SLC25A31: variants seen among roughly 807,000 people sequenced by gnomAD.
SLC25A31 encodes solute carrier family 25 member 31.
In SLC25A31, 40 loss-of-function variants were observed where a neutral mutation model predicts 36.2. The ratio of observed to expected loss-of-function variants is 1.10; its 90% CI spans 0.86 to 1.44. The LOEUF (loss-of-function observed/expected upper bound fraction) is 1.44. Among genes scored for constraint, SLC25A31 ranks in the 40% most tolerant of loss-of-function variants. The pLI is 0.00. For synonymous variants in SLC25A31, 143 were observed against 149.7 expected, an observed-to-expected ratio of 0.96 and a Z score of 0.32; for missense variants, 350 against 397.1, an observed-to-expected ratio of 0.88 and a Z score of 1.01.
chr4:127,748,576 C>T (rs185249351), intron 2 of SLC25A31, among the ~76,000 whole-genome samples: 39 of 152,308 alleles, frequency 2.6e-4, no homozygotes, highest in African/African-American at 9.1e-4. Context: ...CTGGCACCAA[C>T]TCACAGACCA....
intron 5 of SLC25A31, among the ~76,000 whole-genome samples, chr4:127,773,036 G>A (rs1732394440): frequency 6.6e-6 from 1 of 151,984 alleles, no homozygotes; most frequent in Non-Finnish European, 1.5e-5. Context: ...TCCTGTCTCG[G>A]CCTCCCAAAG....
intron 2 of SLC25A31, among the ~76,000 whole-genome samples, chr4:127,745,449 C>T (rs1731807991): frequency 1.3e-5 from 2 of 151,988 alleles, no homozygotes; most frequent in Non-Finnish European, 2.9e-5. Flanking sequence ...ACATTACTCC[C>T]AAGATCTTCC....
chr4:127,743,335 A>T (rs188613705), intron 1 of SLC25A31, among the ~76,000 whole-genome samples: 22 of 152,034 alleles, frequency 1.4e-4, no homozygotes, highest in Admixed American at 1.4e-3. Context: ...GCGGTCTCAC[A>T]ATGTTGCCCA....
At chr4:127,759,669 G>T (rs1205094799) in intron 2 of SLC25A31, among the ~76,000 whole-genome samples, 1 of 152,192 alleles carries the variant, frequency 6.6e-6, no homozygotes, top group East Asian at 1.9e-4. Flanking sequence ...TGAGAGGGGA[G>T]ATGGGGAGTT....
chr4:127,748,793 C>A (rs1176506580), intron 2 of SLC25A31, among the ~76,000 whole-genome samples: 1 of 152,092 alleles, frequency 6.6e-6, no homozygotes, highest in Non-Finnish European at 1.5e-5. Context: ...TTGCCAAAAC[C>A]AGTTTTCTAA....
At chr4:127,753,206 C>T (rs1731969205) in intron 2 of SLC25A31, among the ~76,000 whole-genome samples, 1 of 151,920 alleles carries the variant, frequency 6.6e-6, no homozygotes, top group Non-Finnish European at 1.5e-5. Flanking sequence ...ATAGCAAAAG[C>T]AGTTCTAAGA....
chr4:127,766,558 C>T (rs1393760005), intron 3 of SLC25A31, among the ~76,000 whole-genome samples: 1 of 152,044 alleles, frequency 6.6e-6, no homozygotes, highest in African/African-American at 2.4e-5. Context: ...AGTACGGTGG[C>T]ACAATCATAG....
rs537690725 is a variant in SLC25A31, at chr4:127,750,417, G to A, written c.360+5618G>A. 5.3e-5 allele frequency among the ~76,000 whole-genome samples: 8 copies of A among 152,244 alleles called. 1 individual carries two copies. The South Asian group carries it at 1.7e-3, about 32-fold the overall frequency. On this transcript the variant is annotated intron_variant, in intron 2 of 5. Transcript: ENST00000281154. The stretch of plus-strand genomic sequence containing the variant: ...CCAAATACTCCTTGACTCATGATGG[G>A]ATTATTTCCTTATAAACTCATGGTA...
At chr4:127,769,629 C>T (rs1255758252) in intron 5 of SLC25A31, among the ~76,000 whole-genome samples, 1 of 152,158 alleles carries the variant, frequency 6.6e-6, no homozygotes, top group Non-Finnish European at 1.5e-5. Flanking sequence ...ATGCTAAGCT[C>T]TGGTGACAGA....
intron 2 of SLC25A31, 130 bp from the exon 3 acceptor site, chr4:127,764,113 T>C: frequency 8.4e-6 from 6 of 714,074 alleles, no homozygotes; most frequent in Non-Finnish European, 1.4e-5. Context: ...TGCATTATTA[T>C]AGATGTTTAC....
chr4:127,733,809 GAT>G (rs1731574314), intron 1 of SLC25A31, among the ~76,000 whole-genome samples: 1 of 152,168 alleles, frequency 6.6e-6, no homozygotes, highest in Non-Finnish European at 1.5e-5. Flanking sequence ...TGGAGAAAGA[GAT>G]ATGAACACAG....
Position 127,764,155 on chromosome 4 carries a change from T to C in SLC25A31, c.361-88T>C, listed in dbSNP as rs572372781. ...AAAGTGGCTTATAAATCTGGTGTTT[T>C]AACATTTATAAAAATAAGAATTTAC... is the stretch of plus-strand genomic sequence containing the variant. On this transcript the variant is annotated intron_variant, in intron 2 of 5. Transcript: ENST00000281154. 128 of 1,139,506 alleles carry C rather than the reference T, an allele frequency of 1.1e-4. No homozygotes were observed. In the East Asian group the frequency reaches 2.2e-3, roughly 20 times the overall value. 70.6% of individuals were successfully genotyped at this position (1,139,506 alleles called of 1,614,324 possible).
intron 2 of SLC25A31, 117 bp from the exon 3 acceptor site, chr4:127,764,126 T>C: frequency 1.2e-6 from 1 of 806,796 alleles, no homozygotes; most frequent in Non-Finnish European, 2.0e-6. Context: ...ATGTTTACTT[T>C]ATAAAAGTGG....
chr4:127,765,291 T>C (rs1162074409), intron 3 of SLC25A31, among the ~76,000 whole-genome samples: 12 of 152,328 alleles, frequency 7.9e-5, no homozygotes, highest in African/African-American at 2.6e-4. Flanking sequence ...GTTATTGTGA[T>C]CAAATGGCTT....
At chr4:127,752,313 G>A (rs200126112) in intron 2 of SLC25A31, among the ~76,000 whole-genome samples, 4,533 of 151,778 alleles carry the variant, frequency 0.03, 277 homozygotes, top group East Asian at 0.26. Context: ...GCAAACTATT[G>A]CAAGGACAAA....
At chr4:127,738,799 A>G (rs1731681003) in intron 1 of SLC25A31, among the ~76,000 whole-genome samples, 1 of 152,082 alleles carries the variant, frequency 6.6e-6, no homozygotes, top group Admixed American at 6.6e-5. Context: ...AATGTTGGGT[A>G]TGTATATATT....
intron 2 of SLC25A31, among the ~76,000 whole-genome samples, chr4:127,750,090 T>A (rs1731900354): frequency 6.6e-6 from 1 of 152,176 alleles, no homozygotes; most frequent in Non-Finnish European, 1.5e-5. Context: ...GGCTAAATTG[T>A]CTGTCAGAAA....
chr4:127,765,574 T>A (rs1371926247), intron 3 of SLC25A31, among the ~76,000 whole-genome samples: 2 of 152,162 alleles, frequency 1.3e-5, no homozygotes, highest in Admixed American at 1.3e-4. Flanking sequence ...TGTGTGAGTG[T>A]GTATATGCGT....
Position 127,768,786 on chromosome 4 carries a change from T to C in SLC25A31, c.668T>C (p.Leu223Pro), listed in dbSNP as rs1329287994. 1.2e-6 allele frequency: 2 copies of C among 1,608,284 alleles called. No homozygotes were observed. The highest frequency in any genetic ancestry group is 2.7e-5 in the African/African-American group (2 of 74,778). The change falls in exon 5 of 6, where the codon CTT becomes CCT. Residue 223 changes from leucine (L) to proline (P), a missense_variant. Transcript: ENST00000281154. ...LLPKPKKTPFLVSFFIAQVVT... is the reference protein window; with the variant it reads ...LLPKPKKTPFPVSFFIAQVVT... ...CCAAAGCCAAAGAAAACTCCATTTCTTGTCTCCTTTTTCATTGCTCAAGTT... is the reference window on the plus strand; with the variant it reads ...CCAAAGCCAAAGAAAACTCCATTTCCTGTCTCCTTTTTCATTGCTCAAGTT...
Sources: gnomAD v4.1 joint callset for allele counts (sites outside exome capture counted in the v4.1 genomes callset) on GRCh38, gnomAD v4.1.1 for gene constraint, MANE v1.5 for transcripts, NCBI Gene and HGNC (gene_info 2026-07-23, HGNC 2026-07-21) for gene names.